ZNF600: variants seen among roughly 807,000 people sequenced by gnomAD.
ZNF600 encodes the protein zinc finger protein KR-ZNF1.
A neutral mutation model predicts 7.3 loss-of-function variants in ZNF600; 4 were observed. The ratio of observed to expected loss-of-function variants is 0.55; its 90% CI spans 0.27 to 1.25. The LOEUF (loss-of-function observed/expected upper bound fraction) is 1.25. ZNF600 is among the 50% of genes most tolerant of loss of function. The probability of loss-of-function intolerance (pLI) is 0.12; values close to 1 mark genes in which losing one functional copy is unlikely to be tolerated. For synonymous variants in ZNF600, 290 were observed against 308.9 expected, an observed-to-expected ratio of 0.94 and a Z score of 0.64; for missense variants, 911 against 922.1, an observed-to-expected ratio of 0.99 and a Z score of 0.16.
the ZNF600 span, chr19:52,801,444 T>C: frequency 6.2e-7 from 1 of 1,614,232 alleles, no homozygotes; most frequent in Non-Finnish European, 8.5e-7. Context: ...TTTAATATGC[T>C]TGTTTCCAGC....
At chr19:52,810,609 C>G in the ZNF600 span, 1 of 1,492,106 alleles carries the variant, frequency 6.7e-7, no homozygotes, top group Non-Finnish European at 9.3e-7. Flanking sequence ...CCAACTACAG[C>G]AGTTCCTGCT....
the ZNF600 span, chr19:52,821,595 C>G: frequency 6.6e-6 from 1 of 152,170 alleles, no homozygotes; most frequent in Non-Finnish European, 1.5e-5. Context: ...CCGCCCGCCG[C>G]GGCGTCACCG....
chr19:52,815,120 T>C, the ZNF600 span, among the ~76,000 whole-genome samples: 1 of 143,936 alleles, frequency 6.9e-6, no homozygotes, highest in South Asian at 2.3e-4. Flanking sequence ...TATATAAAGG[T>C]TTTTAAAATA....
At chr19:52,787,196 G>A (rs1366145669), upstream of ZNF600, among the ~76,000 whole-genome samples, 1 of 152,186 alleles carries the variant, frequency 6.6e-6, no homozygotes, top group Non-Finnish European at 1.5e-5. Context: ...GCGGGACGGA[G>A]AGCTCAGGCC....
At chr19:52,804,297 C>T in the ZNF600 span, among the ~76,000 whole-genome samples, 1 of 152,048 alleles carries the variant, frequency 6.6e-6, no homozygotes, top group African/African-American at 2.4e-5. Context: ...AAGCAATTTC[C>T]TTTTTTGTTT....
chr19:52,803,327 C>A, the ZNF600 span, among the ~76,000 whole-genome samples: 1 of 151,902 alleles, frequency 6.6e-6, no homozygotes. Flanking sequence ...ATGATCCACA[C>A]ATCTCAGCCT....
rs376402935 is a variant in ZNF600, at chr19:52,767,326, G to A, written c.637C>T (p.Pro213Ser). The change falls in exon 4 of 4, where the codon CCG becomes TCG. Residue 213 changes from proline (P) to serine (S), a missense_variant. Transcript: ENST00000648973. The stretch of plus-strand genomic sequence containing the variant: ...TTTTGTGGGAGTAGTGAAGAATTCG[G>A]GGAATTATTCCCATAGTTATTAGAA... 120 of 1,614,058 alleles carry A rather than the reference G, an allele frequency of 7.4e-5. 1 individual carries two copies. In the East Asian group the frequency reaches 1.9e-3, roughly 26 times the overall value.
chr19:52,819,770 T>C, the ZNF600 span, among the ~76,000 whole-genome samples: 1 of 143,872 alleles, frequency 7.0e-6, no homozygotes, highest in Non-Finnish European at 1.5e-5. Flanking sequence ...GAAAATTCTT[T>C]TGAAAGGTTC....
chr19:52,801,400 G>A, the ZNF600 span: 19 of 1,614,050 alleles, frequency 1.2e-5, no homozygotes, highest in African/African-American at 2.1e-4. Flanking sequence ...TGCAGTTCAG[G>A]CAGATGCGAA....
chr19:52,828,771 G>A, the ZNF600 span, among the ~76,000 whole-genome samples: 10 of 152,292 alleles, frequency 6.6e-5, no homozygotes, highest in East Asian at 1.9e-3. Context: ...TCTCCAATAG[G>A]ATGTTCCTGC....
the ZNF600 span, among the ~76,000 whole-genome samples, chr19:52,827,107 T>C: frequency 6.6e-6 from 1 of 151,830 alleles, no homozygotes; most frequent in Admixed American, 6.6e-5. Flanking sequence ...TAGCCAGATA[T>C]GGTGACACAT....
At chr19:52,828,421 C>G in the ZNF600 span, among the ~76,000 whole-genome samples, 4 of 152,114 alleles carry the variant, frequency 2.6e-5, no homozygotes, top group East Asian at 7.7e-4. Flanking sequence ...GAGCCGAGAT[C>G]ATGCAATTGC....
chr19:52,813,902 T>A, the ZNF600 span, among the ~76,000 whole-genome samples: 1 of 145,928 alleles, frequency 6.9e-6, no homozygotes, highest in East Asian at 2.0e-4. Flanking sequence ...TAGGAGGAAG[T>A]GGGAACAGGG....
chr19:52,832,286 T>A, the ZNF600 span, among the ~76,000 whole-genome samples: 1 of 152,126 alleles, frequency 6.6e-6, no homozygotes, highest in Non-Finnish European at 1.5e-5. Flanking sequence ...TTTCCATTCC[T>A]TTCCGAGTCA....
chr19:52,789,096 G>C (rs2062785286), upstream of ZNF600, among the ~76,000 whole-genome samples: 1 of 152,158 alleles, frequency 6.6e-6, no homozygotes, highest in African/African-American at 2.4e-5. Flanking sequence ...TGTCAAATGG[G>C]GGACTGTGGG....
intron 3 of ZNF600, among the ~76,000 whole-genome samples, chr19:52,771,855 T>C (rs2062632759): frequency 6.6e-6 from 1 of 152,180 alleles, no homozygotes; most frequent in Non-Finnish European, 1.5e-5. Context: ...TCAAGCCATC[T>C]ACCCACCTCA....
the ZNF600 span, among the ~76,000 whole-genome samples, chr19:52,830,642 A>G: frequency 0.27 from 40,133 of 150,610 alleles, 6,401 homozygotes; most frequent in African/African-American, 0.44. Context: ...TGATTTAAGC[A>G]GCCTCCTATA....
chr19:52,820,906 T>C, the ZNF600 span, among the ~76,000 whole-genome samples: 4 of 152,014 alleles, frequency 2.6e-5, no homozygotes, highest in Non-Finnish European at 5.9e-5. Flanking sequence ...TCTTAGTCCC[T>C]CTCTCTGTCT....
the ZNF600 span, chr19:52,805,644 A>AAATAAATG: frequency 1.5e-4 from 2 of 13,330 alleles, no homozygotes; most frequent in Non-Finnish European, 2.8e-4. Context: ...ATAATAATAA[A>AAATAAATG]AATAAATAAA....
Sources: allele counts gnomAD v4.1 joint callset (sites outside exome capture counted in the v4.1 genomes callset), GRCh38; gene constraint gnomAD v4.1.1; transcripts MANE v1.5; gene names NCBI Gene and HGNC (gene_info 2026-07-23, HGNC 2026-07-21).